DAPK2: variants seen among roughly 807,000 people sequenced by gnomAD.
DAPK2 encodes the protein death associated protein kinase 2, also known as death-associated protein kinase 2.
A neutral mutation model predicts 44.1 loss-of-function variants in DAPK2; 35 were observed. That is an observed-to-expected ratio of 0.79 (90% CI 0.61 to 1.05). The LOEUF is 1.05. Ranked by LOEUF, DAPK2 falls within the 50% of genes least tolerant of loss-of-function variation. The pLI is 0.00. For missense variants in DAPK2, 453 were observed against 483.2 expected (o/e 0.94, Z 0.59); for synonymous variants, 174 against 182.6 (o/e 0.95, Z 0.38).
intron 2 of DAPK2, among the ~76,000 whole-genome samples, chr15:63,973,743 G>C (rs1034277327): frequency 2.0e-5 from 3 of 152,180 alleles, no homozygotes. Context: ...ATTAATTGGG[G>C]TGGGGGGCAG....
intron 6 of DAPK2, among the ~76,000 whole-genome samples, chr15:63,927,546 C>T (rs112831545): frequency 0.011 from 1,658 of 152,288 alleles, 7 homozygotes; most frequent in Non-Finnish European, 0.016. Context: ...TCCAGCCTAA[C>T]CTTGGTTCCA....
chr15:64,026,456 C>A (rs184440929), intron 1 of DAPK2, among the ~76,000 whole-genome samples: 2 of 152,174 alleles, frequency 1.3e-5, no homozygotes, highest in African/African-American at 2.4e-5. Flanking sequence ...GTTGGCTAGG[C>A]TGGTCTCAAA....
intron 5 of DAPK2, chr15:63,929,863 C>T: frequency 1.7e-6 from 1 of 585,922 alleles, no homozygotes; most frequent in Non-Finnish European, 3.2e-6. Context: ...ACCTCGGAGC[C>T]CTTCCCCCCT....
At chr15:63,914,235 G>A (rs1189805898) in intron 8 of DAPK2, among the ~76,000 whole-genome samples, 1 of 150,072 alleles carries the variant, frequency 6.7e-6, no homozygotes, top group African/African-American at 2.4e-5. Context: ...GCGGGGGGTG[G>A]GGTGACCCAA....
chr15:63,989,262 GGGAGGATGGTTTTC>G (rs1326534901), intron 1 of DAPK2, among the ~76,000 whole-genome samples: 3 of 151,634 alleles, frequency 2.0e-5, no homozygotes, highest in African/African-American at 7.3e-5. Flanking sequence ...ATGCTGAGGT[GGGAGGATGGTTTTC>G]AGCCCAGGAG....
At chr15:63,943,312 C>T (rs2077365734) in intron 3 of DAPK2, among the ~76,000 whole-genome samples, 1 of 151,976 alleles carries the variant, frequency 6.6e-6, no homozygotes, top group Non-Finnish European at 1.5e-5. Context: ...CTTGTAGTCC[C>T]AGCTACTCAG....
At chr15:64,002,915 A>AGTGTGTGTGTGTGTGT (rs2079119287) in intron 1 of DAPK2, among the ~76,000 whole-genome samples, 1 of 96,022 alleles carries the variant, frequency 1.0e-5, no homozygotes, top group Non-Finnish European at 2.2e-5. Context: ...AGACTGAGAC[A>AGTGTGTGTGTGTGTGT]CTGTGTGTGT....
intron 10 of DAPK2, 76 bp downstream of exon 11, chr15:63,911,832 G>A: frequency 6.9e-7 from 1 of 1,450,690 alleles, no homozygotes; most frequent in Non-Finnish European, 9.5e-7. Flanking sequence ...CTTGTGAGGG[G>A]AAAGGGAACT....
intron 3 of DAPK2, among the ~76,000 whole-genome samples, chr15:63,960,420 C>T (rs2077861768): frequency 6.6e-6 from 1 of 152,128 alleles, no homozygotes; most frequent in Admixed American, 6.6e-5. Context: ...TCTTGCTTCT[C>T]TAGTTCTTTT....
At chr15:63,978,264 C>T (rs1240251734) in intron 2 of DAPK2, among the ~76,000 whole-genome samples, 1 of 152,200 alleles carries the variant, frequency 6.6e-6, no homozygotes, top group Non-Finnish European at 1.5e-5. Flanking sequence ...AACCCAGCTC[C>T]ACCCTTAGTC....
intron 3 of DAPK2, among the ~76,000 whole-genome samples, chr15:63,962,352 G>C (rs183587793): frequency 6.6e-6 from 1 of 152,330 alleles, no homozygotes; most frequent in East Asian, 1.9e-4. Flanking sequence ...CTCTCAACTT[G>C]TCAAAGTCAT....
chr15:64,042,945 T>C (rs2080382472), upstream of DAPK2, among the ~76,000 whole-genome samples: 1 of 152,242 alleles, frequency 6.6e-6, no homozygotes, highest in South Asian at 2.1e-4. This position sits in a 1 kb window ranked among gnomAD's most constrained non-coding sequence, Gnocchi z 4.7. Context: ...CCCAGAGTGC[T>C]CTTCATACCT....
At chr15:63,930,439 G>A (rs1295639869) in exon 5 of DAPK2, 1 of 1,614,232 alleles carries the variant, frequency 6.2e-7, no homozygotes, top group Admixed American at 1.7e-5. Context: ...GGGGCTCGTA[G>A]TTCACAATTT....
intron 1 of DAPK2, among the ~76,000 whole-genome samples, chr15:64,007,585 A>C (rs1030634143): frequency 1.3e-5 from 2 of 152,160 alleles, no homozygotes; most frequent in African/African-American, 4.8e-5. Context: ...GAGTTTCCCA[A>C]AATCCCCTTG....
In DAPK2 at chr15:63,989,626, C is replaced by T. The variant is rs116241041; in HGVS notation, c.93-5872G>A. Among the ~76,000 whole-genome samples the T allele has an allele frequency of 3.7e-3, 562 of 152,210 alleles. 3 individuals carry two copies. Among genetic ancestry groups the T allele is most frequent in the African/African-American group, 0.013 (540 of 41,544 alleles). On this transcript the variant is annotated intron_variant, in intron 1 of 10. Transcript: ENST00000261891. ...AGTAAAAAGCAGACTGATTTTTACTCGATTTTATTATCGGTTTGTTTGATT... is the reference window on the plus strand; with the variant it reads ...AGTAAAAAGCAGACTGATTTTTACTTGATTTTATTATCGGTTTGTTTGATT...
intron 4 of DAPK2, among the ~76,000 whole-genome samples, chr15:63,933,320 C>T (rs1251031288): frequency 3.3e-5 from 5 of 151,750 alleles, no homozygotes; most frequent in Admixed American, 6.6e-5. Flanking sequence ...CTCGGCTCAT[C>T]GCAACCTCCA....
intron 4 of DAPK2, among the ~76,000 whole-genome samples, chr15:63,937,598 T>C (rs1255797161): frequency 6.6e-6 from 1 of 152,068 alleles, no homozygotes; most frequent in Non-Finnish European, 1.5e-5. Flanking sequence ...TTCAGAGACC[T>C]CTCCCACTCC....
At chr15:63,930,768 A>T (rs1289049169) in intron 4 of DAPK2, among the ~76,000 whole-genome samples, 1 of 152,190 alleles carries the variant, frequency 6.6e-6, no homozygotes, top group Non-Finnish European at 1.5e-5. Context: ...CCTTATAAAG[A>T]GGCCCGAGGG....
intron 4 of DAPK2, among the ~76,000 whole-genome samples, chr15:63,934,399 G>A (rs986207081): frequency 4.0e-5 from 6 of 151,524 alleles, no homozygotes; most frequent in African/African-American, 1.5e-4. Flanking sequence ...CGGGATTACA[G>A]GCACCCACCA....
Sources: allele counts gnomAD v4.1 joint callset (sites outside exome capture counted in the v4.1 genomes callset), GRCh38; gene constraint gnomAD v4.1.1; non-coding constraint Gnocchi (gnomAD v3.1); transcripts MANE v1.5; gene names NCBI Gene and HGNC (gene_info 2026-07-23, HGNC 2026-07-21).